The following CSMD1 variants were observed in gnomAD, a reference collection of about 807,000 sequenced individuals.
CSMD1 encodes CUB and Sushi multiple domains 1, also known as CUB and sushi domain-containing protein 1.
A neutral mutation model predicts 417.5 loss-of-function variants in CSMD1; 213 were observed. That is an observed-to-expected ratio of 0.51 (90% confidence interval 0.46 to 0.57). CSMD1 has a LOEUF of 0.57. CSMD1 is among the 20% of genes least tolerant of loss of function. The pLI, the probability that CSMD1 is intolerant of heterozygous loss-of-function variation, is 0.00. For synonymous variants in CSMD1, 2,862 were observed against 1,736.8 expected (o/e 1.65, Z -16.11); for missense variants, 6,923 against 4,529.7 (o/e 1.53, Z -15.17).
At chr8:4,690,619 T>C (rs1806706928) in intron 1 of CSMD1, among the ~76,000 whole-genome samples, 1 of 152,240 alleles carries the variant, frequency 6.6e-6, no homozygotes, top group Non-Finnish European at 1.5e-5. Context: ...CTCAGTCATG[T>C]GAATACAGTT....
chr8:4,981,394 C>T (rs1810880696), intron 1 of CSMD1, among the ~76,000 whole-genome samples: 1 of 151,922 alleles, frequency 6.6e-6, no homozygotes, highest in African/African-American at 2.4e-5. Flanking sequence ...CCGAATTATC[C>T]CCTCCCCTCA....
intron 5 of CSMD1, among the ~76,000 whole-genome samples, chr8:3,987,969 C>T (rs1814463593): frequency 6.6e-6 from 1 of 152,204 alleles, no homozygotes; most frequent in African/African-American, 2.4e-5. Flanking sequence ...AAGGAAACTG[C>T]TCAACTTTTT....
At chr8:3,188,591 G>T (rs569880518) in intron 35 of CSMD1, among the ~76,000 whole-genome samples, 1 of 152,040 alleles carries the variant, frequency 6.6e-6, no homozygotes, top group Admixed American at 6.5e-5. Flanking sequence ...ACATGCATGA[G>T]CCAATGCACA....
At chr8:3,404,029 G>C (rs367747116) in intron 15 of CSMD1, among the ~76,000 whole-genome samples, 1 of 152,154 alleles carries the variant, frequency 6.6e-6, no homozygotes, top group Non-Finnish European at 1.5e-5. Flanking sequence ...TGTATGAAAA[G>C]GGTGAACATC....
chr8:3,887,280 G>A (rs1405176099), intron 5 of CSMD1, among the ~76,000 whole-genome samples: 1 of 152,166 alleles, frequency 6.6e-6, no homozygotes, highest in Non-Finnish European at 1.5e-5. Context: ...AACCACCTGG[G>A]AGGCCCACGG....
chr8:3,363,501 A>C (rs1809334458), intron 20 of CSMD1, among the ~76,000 whole-genome samples: 1 of 149,712 alleles, frequency 6.7e-6, no homozygotes, highest in Non-Finnish European at 1.5e-5. Flanking sequence ...CTGGTGAAAA[A>C]TGTAGAAAGG....
At chr8:4,548,686 T>C (rs1052331282) in intron 2 of CSMD1, among the ~76,000 whole-genome samples, 9 of 152,176 alleles carry the variant, frequency 5.9e-5, no homozygotes, top group African/African-American at 2.2e-4. Flanking sequence ...CATCTACCTG[T>C]CTACAAAGCA....
intron 4 of CSMD1, among the ~76,000 whole-genome samples, chr8:3,998,351 C>G (rs1427893548): frequency 6.6e-6 from 1 of 152,232 alleles, no homozygotes; most frequent in East Asian, 1.9e-4. Context: ...GAAACGGTGG[C>G]TTTTCTGAAA....
rs145424413 is a variant in CSMD1, at chr8:3,108,378, A to G, written c.6754+225T>C. Among the ~76,000 whole-genome samples, 475 of 152,350 alleles carry G rather than the reference A, an allele frequency of 3.1e-3. 2 individuals are homozygous for G. The highest frequency in any genetic ancestry group is 0.011 in the African/African-American group (462 of 41,572). On this transcript the variant is annotated intron_variant, in intron 44 of 69. Coordinates refer to ENST00000635120, the MANE Select transcript of CSMD1 (RefSeq NM_033225.6). ...TCTTCATCTTAGAGTTTCACTTAGG[A>G]TACATGTATCTTGGAATAAATCCAA...
intron 1 of CSMD1, among the ~76,000 whole-genome samples, chr8:4,877,395 T>A (rs963404271): frequency 2.6e-5 from 4 of 152,048 alleles, no homozygotes; most frequent in Non-Finnish European, 4.4e-5. Flanking sequence ...AAAAAAGGAG[T>A]AATAATTCCA....
chr8:2,964,416 G>A (rs890966778), intron 59 of CSMD1, among the ~76,000 whole-genome samples: 3 of 152,182 alleles, frequency 2.0e-5, no homozygotes, highest in Non-Finnish European at 2.9e-5. Flanking sequence ...CCAGGGGGAG[G>A]CCCCAGTTGG....
At chr8:4,110,636 A>ATCT (rs61146043) in intron 3 of CSMD1, among the ~76,000 whole-genome samples, 12 of 152,050 alleles carry the variant, frequency 7.9e-5, no homozygotes, top group Non-Finnish European at 1.6e-4. Context: ...TGATATATAC[A>ATCT]GGTGTGTGTG....
chr8:4,951,169 C>A (rs987120303), intron 1 of CSMD1, among the ~76,000 whole-genome samples: 8 of 152,052 alleles, frequency 5.3e-5, no homozygotes, highest in Admixed American at 2.6e-4. Context: ...TCACTCCTTG[C>A]CTTAAATCTT....
At chr8:4,679,962 C>T (rs1482108087) in intron 1 of CSMD1, among the ~76,000 whole-genome samples, 1 of 152,132 alleles carries the variant, frequency 6.6e-6, no homozygotes, top group Non-Finnish European at 1.5e-5. Flanking sequence ...AGATTTAGAA[C>T]CATATTTCTA....
intron 11 of CSMD1, among the ~76,000 whole-genome samples, chr8:3,487,615 A>G (rs1420113207): frequency 6.6e-6 from 1 of 152,178 alleles, no homozygotes; most frequent in Non-Finnish European, 1.5e-5. Context: ...GTGTATAAAT[A>G]TTTAGAATTC....
intron 8 of CSMD1, among the ~76,000 whole-genome samples, chr8:3,588,168 G>C (rs866888236): frequency 2.0e-5 from 3 of 151,986 alleles, no homozygotes; most frequent in Admixed American, 6.5e-5. Flanking sequence ...AATATTCATA[G>C]TTTTCATCAT....
intron 1 of CSMD1, among the ~76,000 whole-genome samples, chr8:4,771,610 G>C (rs989769178): frequency 4.6e-5 from 7 of 152,146 alleles, no homozygotes; most frequent in Admixed American, 1.3e-4. Flanking sequence ...ATTAAATGTT[G>C]AAACGTCCGT....
intron 61 of CSMD1, among the ~76,000 whole-genome samples, chr8:2,961,851 G>A (rs55762596): frequency 7.6e-4 from 116 of 152,264 alleles, no homozygotes; most frequent in African/African-American, 2.6e-3. Context: ...TATTTTTAGT[G>A]TAGAGATAGC....
intron 1 of CSMD1, among the ~76,000 whole-genome samples, chr8:4,894,143 C>T (rs1585278692): frequency 6.6e-6 from 1 of 152,032 alleles, no homozygotes; most frequent in Non-Finnish European, 1.5e-5. Context: ...AAAATTATCT[C>T]TATTTTAACA....
Sources: allele counts gnomAD v4.1 joint callset (sites outside exome capture counted in the v4.1 genomes callset), GRCh38; gene constraint gnomAD v4.1.1; transcripts MANE v1.5; gene names NCBI Gene and HGNC (gene_info 2026-07-23, HGNC 2026-07-21).